The following PXK variants were observed in gnomAD, a reference collection of about 807,000 sequenced individuals.
The protein encoded by PXK is PX domain-containing protein kinase-like protein.
A neutral mutation model predicts 84.7 loss-of-function variants in PXK; 35 were observed. That is an observed-to-expected ratio of 0.41 (90% CI 0.32 to 0.55). The LOEUF is 0.55. PXK is among the 20% of genes least tolerant of loss of function. The probability of loss-of-function intolerance (pLI) is 0.21; values close to 1 mark genes in which losing one functional copy is unlikely to be tolerated. For missense variants in PXK, 634 were observed against 699.7 expected, an observed-to-expected ratio of 0.91 and a Z score of 1.06; for synonymous variants, 253 against 260.8, an observed-to-expected ratio of 0.97 and a Z score of 0.29.
Position 58,382,509 on chromosome 3 carries a change from TAA to T in PXK, c.202-3_202-2del. ...GAGTGTAACTTTTTTTTTTTTTTTT[TAA>T]AGATTGCAGGCCTAAGTCTACCTCT... On this transcript the variant is annotated splice_polypyrimidine_tract_variant and splice_region_variant and intron_variant, in intron 3 of 17. Coordinates refer to ENST00000356151, the MANE Select transcript of PXK (RefSeq NM_017771.5). 1.3e-6 allele frequency: 2 copies of T among 1,512,810 alleles called. No individual in the cohort carries two copies. The highest frequency in any genetic ancestry group is 1.8e-6 in the Non-Finnish European group (2 of 1,137,358). 93.7% of individuals were successfully genotyped at this position (1,512,810 alleles called of 1,614,324 possible). A position where few individuals can be genotyped will look rare whatever the true frequency, so the allele number is the denominator to read the frequency against.
chr3:58,357,978 A>C (rs1474373428), intron 1 of PXK, among the ~76,000 whole-genome samples: 1 of 151,542 alleles, frequency 6.6e-6, no homozygotes, highest in Non-Finnish European at 1.5e-5. Context: ...ACAAAAAAAC[A>C]AAAAAACAAA....
At chr3:58,378,843 A>AT (rs1224486367) in intron 3 of PXK, among the ~76,000 whole-genome samples, 1 of 151,662 alleles carries the variant, frequency 6.6e-6, no homozygotes, top group East Asian at 1.9e-4. Flanking sequence ...GCCGGACTTC[A>AT]TTTTTTTAAG....
chr3:58,417,353 G>A (rs113457193), intron 17 of PXK, among the ~76,000 whole-genome samples: 2 of 152,312 alleles, frequency 1.3e-5, no homozygotes, highest in South Asian at 2.1e-4. Context: ...CGAAAGCATC[G>A]GTTGTAAGCA....
chr3:58,377,663 T>G (rs900751906), intron 3 of PXK, among the ~76,000 whole-genome samples: 2 of 148,782 alleles, frequency 1.3e-5, no homozygotes, highest in Non-Finnish European at 3.0e-5. Flanking sequence ...ATGTGGAAAA[T>G]GATAGTAGAT....
chr3:58,391,985 G>A lies in PXK; in HGVS notation c.615+138G>A, dbSNP rs191818116. Reference sequence around the variant, plus strand: ...TCAGGTCAGACTGAAATTGTGTAGGGCTAATCTCTTAGATCATAGGCTATT... The same window carrying A: ...TCAGGTCAGACTGAAATTGTGTAGGACTAATCTCTTAGATCATAGGCTATT... On this transcript the variant is annotated intron_variant, in intron 7 of 17. Coordinates refer to ENST00000356151, the MANE Select transcript of PXK (RefSeq NM_017771.5). 1.2e-5 allele frequency: 9 copies of A among 727,230 alleles called. No individual in the cohort carries two copies. The Admixed American group carries it at 2.3e-4, about 19-fold the overall frequency. 45.0% of individuals were successfully genotyped at this position (727,230 alleles called of 1,614,324 possible). A position where few individuals can be genotyped will look rare whatever the true frequency, so the allele number is the denominator to read the frequency against.
Position 58,407,684 on chromosome 3 carries a change from C to T in PXK, c.1231-1240C>T, listed in dbSNP as rs1164457757. Among the ~76,000 whole-genome samples, 1 of 152,076 alleles carries T rather than the reference C, an allele frequency of 6.6e-6. No individual in the cohort carries two copies. Among genetic ancestry groups the T allele is most frequent in the Non-Finnish European group, 1.5e-5 (1 of 68,022 alleles). ...TCAAGTGATCTTCCTGCCTCAGCCT[C>T]CCAAGTAGATTACAGGCGTGCACCA... On this transcript the variant is annotated intron_variant, in intron 13 of 17. Coordinates refer to ENST00000356151, the MANE Select transcript of PXK (RefSeq NM_017771.5). This position sits in a 1 kb window ranked among gnomAD's most constrained non-coding sequence, Gnocchi z 4.3.
rs552445070 is a variant in PXK at position 58,399,997 on chromosome 3, G to A, written c.1181+620G>A. ...GTGCTGTGGGGCCTTCCCTTCAGGT[G>A]CATTTTCTGTTCTTTCATGGAAAGG... is the stretch of plus-strand genomic sequence containing the variant. On this transcript the variant is annotated intron_variant, in intron 12 of 17. Coordinates refer to ENST00000356151, the MANE Select transcript of PXK (RefSeq NM_017771.5). This position sits in a 1 kb window ranked among gnomAD's most constrained non-coding sequence, Gnocchi z 4.3. Among the ~76,000 whole-genome samples, 1 of 152,218 alleles carries A rather than the reference G, an allele frequency of 6.6e-6. No homozygotes were observed. Among genetic ancestry groups the A allele is most frequent in the Non-Finnish European group, 1.5e-5 (1 of 68,018 alleles).
At chr3:58,402,937 C>T (rs1004355340) in intron 12 of PXK, among the ~76,000 whole-genome samples, 5 of 151,868 alleles carry the variant, frequency 3.3e-5, no homozygotes, top group Non-Finnish European at 7.4e-5. Flanking sequence ...TTTAGTATTT[C>T]TGCTGCTCTC....
chr3:58,375,571 C>T (rs1172094695), intron 3 of PXK, among the ~76,000 whole-genome samples: 3 of 152,168 alleles, frequency 2.0e-5, no homozygotes, highest in East Asian at 3.8e-4. Context: ...AAAAATAAAT[C>T]TATCCACGAC....
intron 17 of PXK, chr3:58,422,748 A>T: frequency 2.0e-6 from 2 of 985,386 alleles, no homozygotes; most frequent in Non-Finnish European, 2.4e-6. Flanking sequence ...CCCTCAGCCC[A>T]GCCCTGAGGC....
intron 1 of PXK, among the ~76,000 whole-genome samples, chr3:58,357,531 A>C (rs559955777): frequency 6.6e-6 from 1 of 152,332 alleles, no homozygotes; most frequent in East Asian, 1.9e-4. Flanking sequence ...ATAACTATAA[A>C]AAGCAGTAGG....
At chr3:58,391,297 C>A in intron 6 of PXK, 77 bp downstream of exon 6, 2 of 1,260,340 alleles carry the variant, frequency 1.6e-6, no homozygotes, top group Non-Finnish European at 2.3e-6. Flanking sequence ...AAGAGAATTA[C>A]AAAATTGTAC....
rs1045214613 is a variant in PXK, at chr3:58,333,257, C to T, written c.102+167C>T. On this transcript the variant is annotated intron_variant, in intron 1 of 17. Transcript: ENST00000356151. This position sits in a 1 kb window ranked among gnomAD's most constrained non-coding sequence, Gnocchi z 5.4. ...GCGCGCCGCTGGGTCTGGGTCAGGG[C>T]CCCTGGGGCCCAGGCGAACGCTGAG... 3.4e-6 allele frequency: 1 copy of T among 290,986 alleles called. No individual in the cohort carries two copies. The highest frequency in any genetic ancestry group is 5.6e-6 in the Non-Finnish European group (1 of 180,132). 18.0% of individuals were successfully genotyped at this position (290,986 alleles called of 1,614,324 possible). A position where few individuals can be genotyped will look rare whatever the true frequency, so the allele number is the denominator to read the frequency against.
intron 13 of PXK, among the ~76,000 whole-genome samples, chr3:58,405,678 CAA>C (rs58141128): frequency 1.0e-4 from 10 of 99,844 alleles, no homozygotes; most frequent in Non-Finnish European, 1.0e-4. Flanking sequence ...GACTCTGTCT[CAA>C]AAAAAAAAAA....
At position 58,416,933 on chromosome 3, in the gene PXK, CT is replaced by C. The variant is rs1242769836; in HGVS notation, c.1528+3974del. 6.6e-6 allele frequency among the ~76,000 whole-genome samples: 1 copy of C among 152,162 alleles called. No homozygotes were observed. Among genetic ancestry groups the C allele is most frequent in the African/African-American group, 2.4e-5 (1 of 41,440 alleles). ...CCACTGTGCCCGGCCAGGATTGCAA[CT>C]TTTGGCTGGCCAGCCCATGCTTAGG... On this transcript the variant is annotated intron_variant, in intron 17 of 17. Coordinates refer to ENST00000356151, the MANE Select transcript of PXK (RefSeq NM_017771.5). The surrounding 1 kb of genome is among the most constrained non-coding windows in gnomAD (Gnocchi z 4.8).
rs969402908 is a variant in PXK, at chr3:58,399,139, C to G, written c.1103-160C>G. On this transcript the variant is annotated intron_variant, in intron 11 of 17. Transcript: ENST00000356151. This position sits in a 1 kb window ranked among gnomAD's most constrained non-coding sequence, Gnocchi z 4.3. ...CGGTAACGCCAGTGTTGCCAGCATT[C>G]CCCCACCCCACGTATGCCATCTGTC... Among the ~76,000 whole-genome samples the G allele has an allele frequency of 2.0e-5, 3 of 152,178 alleles. No homozygotes were observed. The highest frequency in any genetic ancestry group is 7.2e-5 in the African/African-American group (3 of 41,446).
intron 1 of PXK, among the ~76,000 whole-genome samples, chr3:58,341,917 T>C (rs369262936): frequency 5.8e-4 from 88 of 152,168 alleles, no homozygotes; most frequent in South Asian, 5.2e-3. Flanking sequence ...TTGGCCAGGC[T>C]GGTCTCAAAC....
intron 13 of PXK, among the ~76,000 whole-genome samples, chr3:58,406,597 A>G (rs1345157688): frequency 3.9e-5 from 6 of 152,292 alleles, no homozygotes; most frequent in Admixed American, 3.3e-4. Context: ...TAAAAAATAC[A>G]ATATAAAATT....
At chr3:58,369,330 G>T in intron 2 of PXK, 101 bp from the exon 3 acceptor site, 1 of 874,478 alleles carries the variant, frequency 1.1e-6, no homozygotes. Flanking sequence ...AAGTGCCTGA[G>T]CTCTAGAGTG....
Sources: allele counts gnomAD v4.1 joint callset (sites outside exome capture counted in the v4.1 genomes callset), GRCh38; gene constraint gnomAD v4.1.1; non-coding constraint Gnocchi (gnomAD v3.1); transcripts MANE v1.5; gene names NCBI Gene and HGNC (gene_info 2026-07-23, HGNC 2026-07-21).